ITGB3BP: variants seen among roughly 807,000 people sequenced by gnomAD.
ITGB3BP encodes centromere protein R.
A neutral mutation model predicts 29.1 loss-of-function variants in ITGB3BP; 27 were observed. That is an observed-to-expected ratio of 0.93 (90% CI 0.68 to 1.28). ITGB3BP has a LOEUF of 1.28. ITGB3BP is among the 50% of genes most tolerant of loss of function. The pLI, the probability that ITGB3BP is intolerant of heterozygous loss-of-function variation, is 0.00. For synonymous variants in ITGB3BP, 61 were observed against 61.4 expected (o/e 0.99, Z 0.03); for missense variants, 192 against 200.2 (o/e 0.96, Z 0.25).
intron 1 of ITGB3BP, among the ~76,000 whole-genome samples, chr1:63,512,282 G>A (rs1294811152): frequency 6.6e-6 from 1 of 151,844 alleles, no homozygotes. Context: ...TTTCTATTTA[G>A]CTTAACATAT....
intron 7 of ITGB3BP, among the ~76,000 whole-genome samples, chr1:63,450,184 T>C (rs1396785586): frequency 6.6e-6 from 1 of 152,074 alleles, no homozygotes; most frequent in Admixed American, 6.5e-5. Context: ...TTGGAAATTC[T>C]GAAATATTTT....
At chr1:63,493,433 CAAA>C in intron 2 of ITGB3BP, among the ~76,000 whole-genome samples, 1 of 151,118 alleles carries the variant, frequency 6.6e-6, no homozygotes, top group Non-Finnish European at 1.5e-5. Context: ...AACAAACAAA[CAAA>C]CAAACAAACA....
At chr1:63,504,830 T>A (rs534145604) in intron 2 of ITGB3BP, among the ~76,000 whole-genome samples, 1 of 152,244 alleles carries the variant, frequency 6.6e-6, no homozygotes, top group Non-Finnish European at 1.5e-5. Flanking sequence ...TTTGCATATG[T>A]TGAACCAGCC....
At chr1:63,445,769 A>G (rs956285850) in intron 8 of ITGB3BP, among the ~76,000 whole-genome samples, 1 of 150,986 alleles carries the variant, frequency 6.6e-6, no homozygotes, top group Non-Finnish European at 1.5e-5. Flanking sequence ...TTATTTTTCT[A>G]TTTTTTTGTA....
intron 1 of ITGB3BP, among the ~76,000 whole-genome samples, chr1:63,513,360 T>C (rs894811840): frequency 1.3e-5 from 2 of 152,176 alleles, no homozygotes; most frequent in Non-Finnish European, 2.9e-5. Flanking sequence ...GTCCCAAATT[T>C]GGCAATGGGA....
chr1:63,454,249 T>A lies in ITGB3BP; in HGVS notation c.427+131A>T. 2.0e-6 allele frequency: 1 copy of A among 506,556 alleles called. No individual in the cohort carries two copies. Among genetic ancestry groups the A allele is most frequent in the Non-Finnish European group, 3.5e-6 (1 of 283,770 alleles). The allele number at this position is 506,556 out of a possible 1,614,324, so 31.4% of individuals were successfully genotyped here. A position where few individuals can be genotyped will look rare whatever the true frequency, so the allele number is the denominator to read the frequency against. Reference sequence around the variant, plus strand: ...GATAAAAGACATGTGGCTTCTTATTTAAAGAAGGTAATAGTATTTTTATCA... The same window carrying A: ...GATAAAAGACATGTGGCTTCTTATTAAAAGAAGGTAATAGTATTTTTATCA... On this transcript the variant is annotated intron_variant, in intron 6 of 8. Transcript: ENST00000271002. This position sits in a 1 kb window ranked among gnomAD's most constrained non-coding sequence, Gnocchi z 4.1.
chr1:63,475,952 T>C (rs1472117599), intron 4 of ITGB3BP, among the ~76,000 whole-genome samples: 1 of 148,330 alleles, frequency 6.7e-6, no homozygotes, highest in Admixed American at 6.8e-5. Context: ...GAGATGAGAT[T>C]GTGTCATTGC....
chr1:63,500,964 T>C (rs571516573), intron 2 of ITGB3BP, among the ~76,000 whole-genome samples: 108 of 152,306 alleles, frequency 7.1e-4, no homozygotes, highest in African/African-American at 2.6e-3. Context: ...TATATATAGA[T>C]AGACAAATGG....
Position 63,528,789 on chromosome 1 carries a change from G to T in ITGB3BP, n.253+342C>A, listed in dbSNP as rs147268808. 3.9e-3 allele frequency among the ~76,000 whole-genome samples: 598 copies of T among 152,218 alleles called. 3 individuals carry two copies. The highest frequency in any genetic ancestry group is 0.014 in the African/African-American group (576 of 41,532). On this transcript the variant is annotated intron_variant and non_coding_transcript_variant, in intron 2 of 4. Transcript: ENST00000478138. ...CAGGAAATTTTATATAATATTCATT[G>T]TCATAAAAATAATTTAGTAGTTGTG...
At chr1:63,442,173 T>C (rs1644738876) in intron 8 of ITGB3BP, among the ~76,000 whole-genome samples, 1 of 144,296 alleles carries the variant, frequency 6.9e-6, no homozygotes, top group Non-Finnish European at 1.5e-5. Context: ...TTATTCTTCA[T>C]TTGGTACTTA....
intron 4 of ITGB3BP, among the ~76,000 whole-genome samples, chr1:63,478,071 C>T (rs894953400): frequency 6.6e-6 from 1 of 152,110 alleles, no homozygotes; most frequent in African/African-American, 2.4e-5. Flanking sequence ...TAATACCTAA[C>T]ACAATGTAAA....
At chr1:63,488,367 CATG>C (rs1645573124) in intron 3 of ITGB3BP, among the ~76,000 whole-genome samples, 2 of 151,830 alleles carry the variant, frequency 1.3e-5, no homozygotes, top group Admixed American at 6.6e-5. Flanking sequence ...CCTTCCATGT[CATG>C]ATAAGGGTTT....
upstream of ITGB3BP, among the ~76,000 whole-genome samples, chr1:63,526,739 A>G (rs1234442815): frequency 1.3e-5 from 2 of 152,224 alleles, no homozygotes; most frequent in Non-Finnish European, 2.9e-5. Flanking sequence ...TAATTCATAT[A>G]CATTAAATGT....
intron 2 of ITGB3BP, among the ~76,000 whole-genome samples, chr1:63,493,092 G>GCA (rs1553164250): frequency 0.034 from 1,869 of 55,784 alleles, 45 homozygotes; most frequent in African/African-American, 0.087. Context: ...ACACACACGC[G>GCA]CGCGCGCGCA....
intron 4 of ITGB3BP, among the ~76,000 whole-genome samples, chr1:63,469,567 C>A (rs1257213104): frequency 6.6e-6 from 1 of 152,196 alleles, no homozygotes; most frequent in Non-Finnish European, 1.5e-5. Context: ...CTCAGGTGAT[C>A]TGCCCGCCTT....
At chr1:63,504,923 T>A (rs542258586) in intron 2 of ITGB3BP, among the ~76,000 whole-genome samples, 1 of 152,230 alleles carries the variant, frequency 6.6e-6, no homozygotes. Context: ...CAGTATTTTA[T>A]TGAGGATTTT....
At chr1:63,498,013 A>G (rs931958803) in intron 2 of ITGB3BP, among the ~76,000 whole-genome samples, 1 of 152,226 alleles carries the variant, frequency 6.6e-6, no homozygotes, top group Non-Finnish European at 1.5e-5. Context: ...ATATACAATT[A>G]TAAACATAAA....
intron 2 of ITGB3BP, among the ~76,000 whole-genome samples, chr1:63,507,324 TCAGCTGTGGCACTGGCTACCTTGACA>T (rs1315045952): frequency 3.3e-5 from 5 of 152,250 alleles, no homozygotes; most frequent in African/African-American, 9.6e-5. Flanking sequence ...ATACAGGATG[TCAGCTGTGGCACTGGCTACCTTGACA>T]CATCTTCATC....
At chr1:63,467,494 A>C (rs1040970579) in intron 4 of ITGB3BP, among the ~76,000 whole-genome samples, 2 of 150,648 alleles carry the variant, frequency 1.3e-5, no homozygotes, top group Non-Finnish European at 3.0e-5. Context: ...GACTACAGGC[A>C]CACCACCACA....
Sources: allele counts gnomAD v4.1 joint callset (sites outside exome capture counted in the v4.1 genomes callset), GRCh38; gene constraint gnomAD v4.1.1; non-coding constraint Gnocchi (gnomAD v3.1); transcripts MANE v1.5; gene names NCBI Gene and HGNC (gene_info 2026-07-23, HGNC 2026-07-21).